The following LCLAT1 variants were observed in gnomAD, a reference collection of about 807,000 sequenced individuals.
The protein encoded by LCLAT1 is lysocardiolipin acyltransferase 1.
LCLAT1 carries 11 observed loss-of-function variants against 30.7 expected under a neutral mutation model. That is an observed-to-expected ratio of 0.36 (90% CI 0.23 to 0.59). LCLAT1 has a LOEUF of 0.59. Ranked by LOEUF, LCLAT1 falls within the 20% of genes least tolerant of loss-of-function variation. LCLAT1 has a pLI of 0.77. For missense variants in LCLAT1, 402 were observed against 458.6 expected (o/e 0.88, Z 1.13); for synonymous variants, 155 against 151.3 (o/e 1.02, Z -0.18).
rs530843266 is a variant in LCLAT1 at position 30,486,193 on chromosome 2, G to C, written c.-5+38810G>C. On this transcript the variant is annotated intron_variant, in intron 1 of 5. Coordinates refer to ENST00000379509, the MANE Select transcript of LCLAT1 (RefSeq NM_001002257.3). ...ATAAAGACTGACTTTGTTATAGTCAGGAAAGAGCATTATCTTAGAAAGAAC... is the reference window on the plus strand; with the variant it reads ...ATAAAGACTGACTTTGTTATAGTCACGAAAGAGCATTATCTTAGAAAGAAC... Among the ~76,000 whole-genome samples, 8 of 152,192 alleles carry C rather than the reference G, an allele frequency of 5.3e-5. No homozygotes were observed. The South Asian group carries it at 1.0e-3, about 20-fold the overall frequency.
At chr2:30,593,318 AC>A (rs138761357) in intron 5 of LCLAT1, among the ~76,000 whole-genome samples, 19,288 of 152,196 alleles carry the variant, frequency 0.13, 1,349 homozygotes, top group South Asian at 0.23. Context: ...CCGTTGATAG[AC>A]AGGTTCTAAG....
intron 1 of LCLAT1, among the ~76,000 whole-genome samples, chr2:30,506,766 A>G (rs1055855624): frequency 2.3e-4 from 35 of 152,192 alleles, no homozygotes; most frequent in African/African-American, 8.4e-4. Context: ...AAAGGCTTGC[A>G]TACACTCTTT....
intron 1 of LCLAT1, chr2:30,459,520 C>G (rs1054688551): frequency 1.2e-6 from 1 of 857,388 alleles, no homozygotes; most frequent in African/African-American, 1.7e-5. Context: ...ACTCTGCTTT[C>G]TCTTTTTTTC....
At chr2:30,512,271 C>T (rs2148360083) in intron 1 of LCLAT1, among the ~76,000 whole-genome samples, 1 of 151,918 alleles carries the variant, frequency 6.6e-6, no homozygotes, top group South Asian at 2.1e-4. Flanking sequence ...AAAAATTAAC[C>T]ACTGTATAAT....
intron 5 of LCLAT1, among the ~76,000 whole-genome samples, chr2:30,621,017 CATCTCA>C (rs1388003214): frequency 6.6e-6 from 1 of 152,196 alleles, no homozygotes; most frequent in Non-Finnish European, 1.5e-5. Flanking sequence ...ACGATGATCT[CATCTCA>C]ATCCTTATCT....
At chr2:30,480,542 A>G (rs1572503538) in intron 1 of LCLAT1, among the ~76,000 whole-genome samples, 1 of 152,134 alleles carries the variant, frequency 6.6e-6, no homozygotes, top group East Asian at 1.9e-4. Context: ...GACAGTATCA[A>G]TTTATCTGAC....
intron 5 of LCLAT1, among the ~76,000 whole-genome samples, chr2:30,636,864 T>C (rs1422321064): frequency 6.6e-6 from 1 of 152,168 alleles, no homozygotes; most frequent in East Asian, 1.9e-4. Context: ...GATTTTAAGA[T>C]TGACTGTGAC....
At chr2:30,628,792 G>T (rs1181936285) in intron 5 of LCLAT1, among the ~76,000 whole-genome samples, 1 of 151,956 alleles carries the variant, frequency 6.6e-6, no homozygotes, top group East Asian at 1.9e-4. Flanking sequence ...AAGGCTAAAA[G>T]AAAAAAACGT....
intron 5 of LCLAT1, among the ~76,000 whole-genome samples, chr2:30,615,750 A>G (rs750770485): frequency 6.6e-6 from 1 of 152,170 alleles, no homozygotes; most frequent in African/African-American, 2.4e-5. Flanking sequence ...ATTCAAATCT[A>G]GTTTGGCTTA....
At chr2:30,635,752 T>C (rs182417413) in intron 5 of LCLAT1, among the ~76,000 whole-genome samples, 1 of 152,322 alleles carries the variant, frequency 6.6e-6, no homozygotes, top group Admixed American at 6.5e-5. Context: ...AAACTTACTA[T>C]GTGCCAAGTA....
chr2:30,509,299 C>T (rs1422655920), intron 1 of LCLAT1, among the ~76,000 whole-genome samples: 1 of 152,126 alleles, frequency 6.6e-6, no homozygotes, highest in East Asian at 1.9e-4. Context: ...ATTTCCAATT[C>T]TATGTTGAAT....
intron 2 of LCLAT1, among the ~76,000 whole-genome samples, chr2:30,532,479 T>TA (rs34582815): frequency 0.096 from 14,553 of 152,228 alleles, 737 homozygotes; most frequent in East Asian, 0.14. Context: ...CATAAGTCTA[T>TA]AATATATTGT....
intron 1 of LCLAT1, among the ~76,000 whole-genome samples, chr2:30,471,572 G>A (rs1021186405): frequency 6.6e-6 from 1 of 152,108 alleles, no homozygotes; most frequent in African/African-American, 2.4e-5. Flanking sequence ...TCCTTAATTT[G>A]TTAATGTTTT....
chr2:30,628,601 A>C (rs2148524921), intron 5 of LCLAT1, among the ~76,000 whole-genome samples: 1 of 152,308 alleles, frequency 6.6e-6, no homozygotes, highest in Admixed American at 6.5e-5. Flanking sequence ...GAGAGAAGGG[A>C]AACTAGATAT....
intron 3 of LCLAT1, among the ~76,000 whole-genome samples, chr2:30,548,677 AAAGG>A: frequency 6.6e-6 from 1 of 152,318 alleles, no homozygotes; most frequent in Middle Eastern, 3.4e-3. Flanking sequence ...ATCTGGAAAG[AAAGG>A]AAGGAAAATA....
intron 1 of LCLAT1, among the ~76,000 whole-genome samples, chr2:30,467,458 T>C (rs1435201037): frequency 6.6e-6 from 1 of 152,222 alleles, no homozygotes; most frequent in African/African-American, 2.4e-5. Context: ...TACCCAGTAA[T>C]GGGATGGCTG....
intron 1 of LCLAT1, among the ~76,000 whole-genome samples, chr2:30,503,360 G>A (rs1684490777): frequency 6.6e-6 from 1 of 152,114 alleles, no homozygotes; most frequent in African/African-American, 2.4e-5. Context: ...GCCTGTTTTT[G>A]TGTGGACATA....
chr2:30,530,001 C>T (rs1401403618), intron 2 of LCLAT1, among the ~76,000 whole-genome samples: 1 of 152,114 alleles, frequency 6.6e-6, no homozygotes, highest in East Asian at 1.9e-4. Flanking sequence ...TGAGAGGAAC[C>T]ACTCTCATCT....
Position 30,471,360 on chromosome 2 carries a change from C to T in LCLAT1, c.-5+23977C>T, listed in dbSNP as rs1290974825. 3.3e-5 allele frequency among the ~76,000 whole-genome samples: 5 copies of T among 152,052 alleles called. No homozygotes were observed. The East Asian group carries it at 9.7e-4, about 29-fold the overall frequency. On this transcript the variant is annotated intron_variant, in intron 1 of 5. Transcript: ENST00000379509. ...GAGTAGCTGGAACTACAGGTGTGTG[C>T]CACCACACCTGACTAGTTTTTGTAT...
Sources: gnomAD v4.1 joint callset for allele counts (sites outside exome capture counted in the v4.1 genomes callset) on GRCh38, gnomAD v4.1.1 for gene constraint, MANE v1.5 for transcripts, NCBI Gene and HGNC (gene_info 2026-07-23, HGNC 2026-07-21) for gene names.